ADARB2: variants seen among roughly 807,000 people sequenced by gnomAD.
The protein encoded by ADARB2 is adenosine deaminase RNA specific B2 (inactive), also known as inactive double-stranded RNA-specific editase B2.
A neutral mutation model predicts 62.2 loss-of-function variants in ADARB2; 25 were observed. The ratio of observed to expected loss-of-function variants is 0.40; its 90% CI spans 0.29 to 0.56. The LOEUF (loss-of-function observed/expected upper bound fraction) is 0.56. ADARB2 is among the 20% of genes least tolerant of loss of function. ADARB2 has a pLI of 0.43. For missense variants in ADARB2, 1,071 were observed against 1,077.4 expected (o/e 0.99, Z 0.08); for synonymous variants, 572 against 500.8 (o/e 1.14, Z -1.90).
chr10:1,731,349 A>G (rs1835229552), intron 1 of ADARB2, among the ~76,000 whole-genome samples: 1 of 152,182 alleles, frequency 6.6e-6, no homozygotes, highest in Non-Finnish European at 1.5e-5. Flanking sequence ...GCCCAATTTT[A>G]ATTGCTGAAC....
At chr10:1,698,853 A>C (rs1188572567) in intron 1 of ADARB2, among the ~76,000 whole-genome samples, 1 of 152,204 alleles carries the variant, frequency 6.6e-6, no homozygotes, top group Non-Finnish European at 1.5e-5. Flanking sequence ...TCTGCCTCCC[A>C]AGTTCAAGCA....
intron 1 of ADARB2, among the ~76,000 whole-genome samples, chr10:1,575,064 A>C (rs1273248572): frequency 6.6e-6 from 1 of 152,204 alleles, no homozygotes; most frequent in Admixed American, 6.5e-5. Context: ...CAACTTCCTG[A>C]CTCCCTTGTA....
At chr10:1,292,911 C>G (rs1250523644) in intron 3 of ADARB2, 1 of 143,542 alleles carries the variant, frequency 7.0e-6, no homozygotes, top group Admixed American at 6.8e-5. Context: ...AATCCAAAGC[C>G]TTTGTTGCTA....
chr10:1,431,891 A>G (rs1164433616), intron 1 of ADARB2, among the ~76,000 whole-genome samples: 1 of 152,224 alleles, frequency 6.6e-6, no homozygotes, highest in African/African-American at 2.4e-5. Flanking sequence ...CAAAAACTCA[A>G]CCAAGATGGA....
intron 8 of ADARB2, among the ~76,000 whole-genome samples, chr10:1,188,946 C>G (rs1219668646): frequency 6.6e-6 from 1 of 152,184 alleles, no homozygotes; most frequent in African/African-American, 2.4e-5. Context: ...CAGCCAGGCC[C>G]TCTTCCCACG....
intron 6 of ADARB2, among the ~76,000 whole-genome samples, chr10:1,231,996 A>G (rs892217055): frequency 6.6e-6 from 1 of 152,178 alleles, no homozygotes; most frequent in South Asian, 2.1e-4. Context: ...AATTTTCCTT[A>G]CCTTGGTAAT....
chr10:1,611,345 C>A (rs1588323052), intron 1 of ADARB2, among the ~76,000 whole-genome samples: 1 of 152,310 alleles, frequency 6.6e-6, no homozygotes, highest in Middle Eastern at 3.4e-3. Context: ...AACTTACTCT[C>A]AGAACAAATA....
intron 1 of ADARB2, among the ~76,000 whole-genome samples, chr10:1,673,757 C>T (rs921833063): frequency 2.6e-5 from 4 of 152,210 alleles, no homozygotes; most frequent in South Asian, 2.1e-4. Flanking sequence ...GGGCTGAGGC[C>T]GTGCAGCCAC....
At chr10:1,330,168 G>A (rs538667429) in intron 3 of ADARB2, among the ~76,000 whole-genome samples, 5 of 152,174 alleles carry the variant, frequency 3.3e-5, no homozygotes, top group Admixed American at 2.6e-4. Context: ...AGTCAGGGTC[G>A]ATTCAGCCAT....
intron 1 of ADARB2, among the ~76,000 whole-genome samples, chr10:1,568,408 C>T (rs894634416): frequency 5.9e-5 from 9 of 152,200 alleles, no homozygotes; most frequent in Non-Finnish European, 7.3e-5. Flanking sequence ...GGGCCGTCTC[C>T]GCAGACACTG....
chr10:1,591,640 TAC>T (rs1320708214), intron 1 of ADARB2, among the ~76,000 whole-genome samples: 4 of 122,404 alleles, frequency 3.3e-5, no homozygotes, highest in African/African-American at 1.3e-4. Context: ...GAATCTCTCT[TAC>T]ACACAGAGGC....
intron 1 of ADARB2, among the ~76,000 whole-genome samples, chr10:1,732,553 G>A (rs1355795897): frequency 1.3e-5 from 2 of 152,128 alleles, no homozygotes; most frequent in African/African-American, 4.8e-5. Context: ...AAGAGAAAGG[G>A]GGAAAAAAAG....
In ADARB2 at chr10:1,185,018, C is replaced by T. The variant is rs377469652; in HGVS notation, c.1886G>A (p.Arg629His). The change falls in exon 9 of 10, where the codon CGC becomes CAC. Residue 629 changes from arginine (R) to histidine (H), a missense_variant. By Grantham distance (29) the Arg-to-His change is conservative (BLOSUM62 0). Coordinates refer to ENST00000381312, the MANE Select transcript of ADARB2 (RefSeq NM_018702.4). ...LLSGVSDAEA[R>H]QPGKSPPFSM... is the part of the protein sequence containing the mutation. ...GAAGGGGGGCGACTTCCCCGGCTGG[C>T]GCGCCTCGGCGTCACTCACGCCTGT... The T allele has an allele frequency of 4.6e-5, 74 of 1,612,688 alleles. No homozygotes were observed. The highest frequency in any genetic ancestry group is 9.3e-5 in the African/African-American group (7 of 75,042).
At chr10:1,655,237 C>A (rs982339264) in intron 1 of ADARB2, among the ~76,000 whole-genome samples, 2 of 152,178 alleles carry the variant, frequency 1.3e-5, no homozygotes, top group Admixed American at 6.5e-5. Context: ...GACAATAAGG[C>A]ACTAGAACAG....
intron 1 of ADARB2, among the ~76,000 whole-genome samples, chr10:1,452,878 T>C (rs1325024713): frequency 3.9e-5 from 6 of 152,118 alleles, no homozygotes; most frequent in East Asian, 3.8e-4. Context: ...AAAAAAGAAA[T>C]ACAGGCAACA....
chr10:1,630,799 A>T (rs1215317312), intron 1 of ADARB2, among the ~76,000 whole-genome samples: 1 of 152,114 alleles, frequency 6.6e-6, no homozygotes, highest in African/African-American at 2.4e-5. Context: ...TACTAAAAGT[A>T]CCAAAATTAG....
intron 3 of ADARB2, among the ~76,000 whole-genome samples, chr10:1,280,917 G>A (rs1438152143): frequency 6.6e-6 from 1 of 152,240 alleles, no homozygotes; most frequent in African/African-American, 2.4e-5. Flanking sequence ...CCAGGGTGAA[G>A]GAATTAGCTA....
intron 1 of ADARB2, among the ~76,000 whole-genome samples, chr10:1,480,112 G>A (rs1229622078): frequency 6.6e-6 from 1 of 151,918 alleles, no homozygotes; most frequent in Non-Finnish European, 1.5e-5. Context: ...AAGACAGAAA[G>A]CTTTTCCTCT....
chr10:1,642,995 G>A (rs1370176526), intron 1 of ADARB2, among the ~76,000 whole-genome samples: 1 of 152,226 alleles, frequency 6.6e-6, no homozygotes, highest in African/African-American at 2.4e-5. Flanking sequence ...CTGTGTGCAA[G>A]CGCAGGGCCA....
Sources: allele counts gnomAD v4.1 joint callset (sites outside exome capture counted in the v4.1 genomes callset), GRCh38; gene constraint gnomAD v4.1.1; transcripts MANE v1.5; gene names NCBI Gene and HGNC (gene_info 2026-07-23, HGNC 2026-07-21).